DLGAP3: variants seen among roughly 807,000 people sequenced by gnomAD.
DLGAP3 encodes the protein DLG associated protein 3.
DLGAP3 carries 17 observed loss-of-function variants against 81.2 expected under a neutral mutation model. That is an observed-to-expected ratio of 0.21 (90% CI 0.14 to 0.31). The LOEUF (loss-of-function observed/expected upper bound fraction) is 0.31, where lower values mean the gene tolerates loss of function less well. DLGAP3 is among the 10% of genes least tolerant of loss of function. The probability of loss-of-function intolerance (pLI) is 1.00; values close to 1 mark genes in which losing one functional copy is unlikely to be tolerated. For missense variants in DLGAP3, 1,124 were observed against 1,388.0 expected, an observed-to-expected ratio of 0.81 and a Z score of 3.02; for synonymous variants, 577 against 587.4, an observed-to-expected ratio of 0.98 and a Z score of 0.26.
At chr1:34,922,167 A>T (rs1313294705) in intron 1 of DLGAP3, among the ~76,000 whole-genome samples, 1 of 152,124 alleles carries the variant, frequency 6.6e-6, no homozygotes, top group Non-Finnish European at 1.5e-5. Flanking sequence ...TGGAGCCTGG[A>T]TTTCTTACTT....
chr1:34,898,566 G>A (rs925193358), intron 5 of DLGAP3, among the ~76,000 whole-genome samples: 5 of 152,228 alleles, frequency 3.3e-5, no homozygotes, highest in African/African-American at 7.2e-5. Flanking sequence ...GAGAGCCAAC[G>A]TGGACAGTCT....
At chr1:34,917,855 A>T (rs1639740126) in intron 1 of DLGAP3, among the ~76,000 whole-genome samples, 1 of 152,230 alleles carries the variant, frequency 6.6e-6, no homozygotes, top group African/African-American at 2.4e-5. Context: ...CAGGTGAGCC[A>T]TGATGCTCCT....
In DLGAP3 at chr1:34,869,113, C is replaced by A. The variant is rs72894105; in HGVS notation, c.2001-24G>T. Reference sequence around the variant, plus strand: ...GCCTGGGGAGAGGGGTGGCTGTCATCCCCCATTGCCCAGGCTCATGCCAGC... The same window carrying A: ...GCCTGGGGAGAGGGGTGGCTGTCATACCCCATTGCCCAGGCTCATGCCAGC... On this transcript the variant is annotated intron_variant, in intron 8 of 11. Transcript: ENST00000373347. The A allele has an allele frequency of 9.7e-3, 14,974 of 1,541,948 alleles. 1,109 individuals carry two copies. In the African/African-American group the frequency reaches 0.17, roughly 17 times the overall value.
In DLGAP3 at chr1:34,869,041, T is replaced by C; in HGVS notation, c.2049A>G (p.Ala683=). ...CTGCCAGGCCCTCCAGCTCCAGGTC[T>C]GCCTGCACGCCAGCCGTCACACTAT... The part of the protein sequence containing the change: ...RSNSVTAGVQ[A]DLELEGLAGL... The change falls in exon 9 of 12, where the codon GCA becomes GCG. Residue 683 remains alanine (A), a synonymous_variant. Transcript: ENST00000373347. 1.2e-6 allele frequency: 2 copies of C among 1,600,258 alleles called. No homozygotes were observed. Among genetic ancestry groups the C allele is most frequent in the Non-Finnish European group, 1.7e-6 (2 of 1,179,022 alleles).
At position 34,869,020 on chromosome 1, in the gene DLGAP3, C is replaced by G. The variant is rs765835465; in HGVS notation, c.2070G>C (p.Leu690=). The change falls in exon 9 of 12, where the codon CTG becomes CTC. Residue 690 remains leucine, a synonymous_variant. Transcript: ENST00000373347. ...GVQADLELEG[L]AGLATVATED... is the part of the protein sequence containing the mutation. The stretch of plus-strand genomic sequence containing the variant: ...CTGTGGCCACCGTGGCCAGGCCTGC[C>G]AGGCCCTCCAGCTCCAGGTCTGCCT... The G allele has an allele frequency of 6.2e-7, 1 of 1,603,030 alleles. No homozygotes were observed. The highest frequency in any genetic ancestry group is 8.5e-7 in the Non-Finnish European group (1 of 1,179,240).
rs1184688851 is a variant in DLGAP3 at position 34,873,473 on chromosome 1, AATG to A, written c.2001-4387_2001-4385del. Among the ~76,000 whole-genome samples, 1 of 152,132 alleles carries A rather than the reference AATG, an allele frequency of 6.6e-6. No homozygotes were observed. The highest frequency in any genetic ancestry group is 1.5e-5 in the Non-Finnish European group (1 of 68,018). ...CCTCATTTTCCCATCTGTAAATGAG[AATG>A]ATAATAGTAGCAGTTCATAAGATTG... On this transcript the variant is annotated intron_variant, in intron 8 of 11. Coordinates refer to ENST00000373347, the MANE Select transcript of DLGAP3 (RefSeq NM_001080418.3). The surrounding 1 kb of genome is among the most constrained non-coding windows in gnomAD (Gnocchi z 4.2).
chr1:34,876,076 T>C (rs763338303), intron 8 of DLGAP3, among the ~76,000 whole-genome samples: 6 of 152,226 alleles, frequency 3.9e-5, no homozygotes, highest in Non-Finnish European at 7.3e-5. Context: ...CTGCTCACCT[T>C]TGCATCCTCA....
intron 1 of DLGAP3, among the ~76,000 whole-genome samples, chr1:34,914,017 C>T (rs566792245): frequency 3.9e-5 from 6 of 151,966 alleles, no homozygotes; most frequent in Non-Finnish European, 8.8e-5. Context: ...AAAAGGTGGC[C>T]CTCCCCATGC....
In DLGAP3 at chr1:34,873,366, G is replaced by T. The variant is rs1471534879; in HGVS notation, c.2001-4277C>A. ...GAAGGAATGAAAATGAGCAGCTTTG[G>T]GTGGGGGCAGCGGAACAGAGCGGTT... On this transcript the variant is annotated intron_variant, in intron 8 of 11. Coordinates refer to ENST00000373347, the MANE Select transcript of DLGAP3 (RefSeq NM_001080418.3). The surrounding 1 kb of genome is among the most constrained non-coding windows in gnomAD (Gnocchi z 4.2). Among the ~76,000 whole-genome samples the T allele has an allele frequency of 6.6e-6, 1 of 152,206 alleles. No homozygotes were observed. Among genetic ancestry groups the T allele is most frequent in the East Asian group, 1.9e-4 (1 of 5,198 alleles).
At chr1:34,919,752 C>T (rs1215976553) in intron 1 of DLGAP3, among the ~76,000 whole-genome samples, 1 of 152,062 alleles carries the variant, frequency 6.6e-6, no homozygotes, top group Non-Finnish European at 1.5e-5. Context: ...TGCACTCCAA[C>T]CTGGGTGACA....
chr1:34,890,521 C>G (rs780151376), intron 5 of DLGAP3, among the ~76,000 whole-genome samples: 4 of 152,230 alleles, frequency 2.6e-5, no homozygotes, highest in Non-Finnish European at 5.9e-5. Context: ...AGGTTACAAA[C>G]AGACTGTGGC....
chr1:34,906,103 CAT>C (rs1639551949), intron 2 of DLGAP3, among the ~76,000 whole-genome samples: 2 of 137,322 alleles, frequency 1.5e-5, no homozygotes, highest in Admixed American at 7.5e-5. Context: ...TTTATATACA[CAT>C]AGAAATATTT....
chr1:34,919,410 G>C (rs967807246), intron 1 of DLGAP3, among the ~76,000 whole-genome samples: 8 of 152,126 alleles, frequency 5.3e-5, no homozygotes, highest in African/African-American at 1.7e-4. Context: ...GCAGCTGATT[G>C]GTCCTGCCTG....
intron 5 of DLGAP3, among the ~76,000 whole-genome samples, chr1:34,894,477 A>G (rs6662980): frequency 0.31 from 47,286 of 152,074 alleles, 7,652 homozygotes; most frequent in Non-Finnish European, 0.34. Flanking sequence ...AATAAAATCA[A>G]AGCAAGATCT....
chr1:34,882,034 A>T (rs1244258796), intron 8 of DLGAP3, among the ~76,000 whole-genome samples: 1 of 152,238 alleles, frequency 6.6e-6, no homozygotes, highest in East Asian at 1.9e-4. Context: ...GAAAATACAG[A>T]TTTAAAAGAA....
chr1:34,928,633 G>T (rs1639909319), intron 1 of DLGAP3, among the ~76,000 whole-genome samples: 1 of 152,094 alleles, frequency 6.6e-6, no homozygotes, highest in Non-Finnish European at 1.5e-5. Flanking sequence ...CAGGAATGGG[G>T]GGACAGTGGG....
At chr1:34,890,893 GCAATAGAAAATA>G (rs1297109716) in intron 5 of DLGAP3, among the ~76,000 whole-genome samples, 13 of 152,196 alleles carry the variant, frequency 8.5e-5, no homozygotes, top group African/African-American at 3.1e-4. Context: ...AACTTACATA[GCAATAGAAAATA>G]CAAATTGTGA....
intron 1 of DLGAP3, among the ~76,000 whole-genome samples, chr1:34,926,142 G>A (rs1023713154): frequency 1.3e-5 from 2 of 152,184 alleles, no homozygotes; most frequent in African/African-American, 2.4e-5. Flanking sequence ...AACCATATGT[G>A]TAAACCAGCT....
chr1:34,866,364 C>A (rs1638878305), intron 11 of DLGAP3, 63 bp from the exon 12 acceptor site: 1 of 1,319,234 alleles, frequency 7.6e-7, no homozygotes, highest in Admixed American at 2.7e-5. Context: ...AGGTGTCCGC[C>A]CCCGCACCCC....
Sources: allele counts gnomAD v4.1 joint callset (sites outside exome capture counted in the v4.1 genomes callset), GRCh38; gene constraint gnomAD v4.1.1; non-coding constraint Gnocchi (gnomAD v3.1); transcripts MANE v1.5; gene names NCBI Gene and HGNC (gene_info 2026-07-23, HGNC 2026-07-21).